The following UBE2U variants were observed in gnomAD, a reference collection of about 807,000 sequenced individuals.
UBE2U encodes the protein ubiquitin conjugating enzyme E2 U.
In UBE2U, 39 loss-of-function variants were observed where a neutral mutation model predicts 41.2. That is an observed-to-expected ratio of 0.95 (90% confidence interval 0.73 to 1.24). The LOEUF (loss-of-function observed/expected upper bound fraction) is 1.24. Among genes scored for constraint, UBE2U ranks in the 50% most tolerant of loss-of-function variants. The probability of loss-of-function intolerance (pLI) is 0.00; values close to 1 mark genes in which losing one functional copy is unlikely to be tolerated. For missense variants in UBE2U, 336 were observed against 363.1 expected (o/e 0.93, Z 0.61); for synonymous variants, 107 against 117.8 (o/e 0.91, Z 0.60).
chr1:64,257,177 T>C (rs1645106962), intron 8 of UBE2U, among the ~76,000 whole-genome samples: 1 of 152,230 alleles, frequency 6.6e-6, no homozygotes, highest in Non-Finnish European at 1.5e-5. Flanking sequence ...TGTAAATTAG[T>C]TCAACCATTG....
Position 64,260,077 on chromosome 1 carries a change from G to C in UBE2U, c.678-526G>C, listed in dbSNP as rs1645158240. Among the ~76,000 whole-genome samples the C allele has an allele frequency of 3.9e-5, 6 of 152,078 alleles. 1 individual carries two copies. The South Asian group carries it at 1.2e-3, about 32-fold the overall frequency. ...AAGGTCATGTGACATTGGAAGCAGAGACTGGAGTGATGCAGCTATAAGCCA... is the reference window on the plus strand; with the variant it reads ...AAGGTCATGTGACATTGGAAGCAGACACTGGAGTGATGCAGCTATAAGCCA... On this transcript the variant is annotated intron_variant, in intron 8 of 9. Transcript: ENST00000371077.
chr1:64,233,555 A>G (rs1644611506), intron 7 of UBE2U, among the ~76,000 whole-genome samples: 1 of 152,190 alleles, frequency 6.6e-6, no homozygotes, highest in Admixed American at 6.5e-5. Context: ...TTCACACCAG[A>G]GAGAACCTTT....
chr1:64,265,490 A>C (rs961227895), intron 9 of UBE2U, among the ~76,000 whole-genome samples: 1 of 152,340 alleles, frequency 6.6e-6, no homozygotes, highest in African/African-American at 2.4e-5. Flanking sequence ...TTAGTACCGA[A>C]AGTACAAAAA....
chr1:64,234,481 G>A (rs1644630140), intron 7 of UBE2U, among the ~76,000 whole-genome samples: 2 of 152,072 alleles, frequency 1.3e-5, no homozygotes. Flanking sequence ...GTTTCCTATA[G>A]TGAAAAATAG....
chr1:64,225,835 C>T (rs1652829885), intron 6 of UBE2U, among the ~76,000 whole-genome samples: 1 of 152,206 alleles, frequency 6.6e-6, no homozygotes, highest in Non-Finnish European at 1.5e-5. Context: ...ACATCATTGA[C>T]TCAAATTAAG....
chr1:64,245,679 CAAT>C (rs1644908855), intron 8 of UBE2U, among the ~76,000 whole-genome samples: 1 of 152,130 alleles, frequency 6.6e-6, no homozygotes, highest in Non-Finnish European at 1.5e-5. Flanking sequence ...GTGTAACCCA[CAAT>C]AATACCCATC....
At chr1:64,205,143 C>A (rs1173423281) in intron 1 of UBE2U, among the ~76,000 whole-genome samples, 1 of 152,116 alleles carries the variant, frequency 6.6e-6, no homozygotes, top group African/African-American at 2.4e-5. Context: ...GAAATACATT[C>A]TTGTCCCTCC....
chr1:64,232,523 CA>C (rs1363381873), intron 6 of UBE2U, 37 bp from the exon 7 acceptor site: 2 of 1,508,392 alleles, frequency 1.3e-6, no homozygotes, highest in Non-Finnish European at 1.8e-6. Context: ...AGAAAATTTA[CA>C]AACTGCCCAT....
At chr1:64,209,468 C>G (rs918648663) in intron 3 of UBE2U, among the ~76,000 whole-genome samples, 3 of 152,168 alleles carry the variant, frequency 2.0e-5, no homozygotes, top group Admixed American at 6.5e-5. Flanking sequence ...AGGCAGGAAA[C>G]TTAGGCAGGC....
rs375214029 is a variant in UBE2U, at chr1:64,206,789, T to A, written c.174T>A (p.His58Gln). 86 of 1,602,230 alleles carry A rather than the reference T, an allele frequency of 5.4e-5. No homozygotes were observed. Among genetic ancestry groups the A allele is most frequent in the Non-Finnish European group, 7.1e-5 (83 of 1,172,264 alleles). Residue 58 changes from histidine to glutamine, a missense_variant, in exon 3 of 10, where the codon CAT becomes CAA. Coordinates refer to ENST00000371077, the MANE Select transcript of UBE2U (RefSeq NM_001366232.2). Reference protein sequence around the residue: ...WQGLVFQLTIHFTSEYNYAPP... With the variant: ...WQGLVFQLTIQFTSEYNYAPP... ...GTTTAGTCTTCCAACTGACAATACA[T>A]TTTACATCGGAGTACAACTATGCTC...
At chr1:64,232,253 CT>C (rs1238525900) in intron 6 of UBE2U, among the ~76,000 whole-genome samples, 1 of 151,976 alleles carries the variant, frequency 6.6e-6, no homozygotes. Flanking sequence ...GCTTAGAGTT[CT>C]TTTTTAATGT....
chr1:64,225,424 G>T (rs185128687), intron 6 of UBE2U, among the ~76,000 whole-genome samples: 1 of 152,196 alleles, frequency 6.6e-6, no homozygotes, highest in Non-Finnish European at 1.5e-5. Context: ...TTTATAAACC[G>T]TGTAAGGAAT....
At chr1:64,235,757 A>C (rs1644654874) in intron 7 of UBE2U, among the ~76,000 whole-genome samples, 1 of 152,198 alleles carries the variant, frequency 6.6e-6, no homozygotes, top group South Asian at 2.1e-4. Flanking sequence ...GCATCATCAT[A>C]ATAGTAAGTT....
intron 7 of UBE2U, among the ~76,000 whole-genome samples, chr1:64,239,086 G>A (rs71645567): frequency 0.042 from 1,797 of 42,876 alleles, 42 homozygotes; most frequent in Non-Finnish European, 0.055. Context: ...AAGAGGAAGA[G>A]GAAGAGGAAG....
intron 8 of UBE2U, among the ~76,000 whole-genome samples, chr1:64,242,501 A>G (rs879272648): frequency 4.6e-5 from 7 of 152,198 alleles, no homozygotes; most frequent in Non-Finnish European, 8.8e-5. Flanking sequence ...TTTACTGTTA[A>G]CCAAGTGCCC....
At chr1:64,231,595 T>A (rs1644567311) in intron 6 of UBE2U, among the ~76,000 whole-genome samples, 1 of 152,242 alleles carries the variant, frequency 6.6e-6, no homozygotes, top group Non-Finnish European at 1.5e-5. Flanking sequence ...TAGTCTTAGG[T>A]GTGCATAATT....
At chr1:64,233,491 A>G (rs918146656) in intron 7 of UBE2U, among the ~76,000 whole-genome samples, 1 of 152,180 alleles carries the variant, frequency 6.6e-6, no homozygotes, top group Non-Finnish European at 1.5e-5. Context: ...GAATAACAGA[A>G]AAGTTCCCAA....
At chr1:64,241,088 A>G (rs934470020) in intron 7 of UBE2U, among the ~76,000 whole-genome samples, 1 of 152,220 alleles carries the variant, frequency 6.6e-6, no homozygotes, top group Non-Finnish European at 1.5e-5. Flanking sequence ...GGAATAAGAA[A>G]ACAGAATAAT....
intron 3 of UBE2U, 35 bp downstream of exon 3, chr1:64,206,891 T>C: frequency 1.7e-6 from 2 of 1,173,280 alleles, no homozygotes. Context: ...CATTAGAGGC[T>C]TTGTCCCTAT....
Sources: allele counts gnomAD v4.1 joint callset (sites outside exome capture counted in the v4.1 genomes callset), GRCh38; gene constraint gnomAD v4.1.1; transcripts MANE v1.5; gene names NCBI Gene and HGNC (gene_info 2026-07-23, HGNC 2026-07-21).